The following MCM10 variants were observed in gnomAD, a reference collection of about 807,000 sequenced individuals.
MCM10 encodes the protein minichromosome maintenance 10 replication initiation factor, also known as protein MCM10 homolog.
A neutral mutation model predicts 109.9 loss-of-function variants in MCM10; 91 were observed. The observed-to-expected ratio is 0.83, with a 90% CI of 0.70 to 0.99. The LOEUF is 0.99. Among genes scored for constraint, MCM10 ranks in the 50% least tolerant of loss-of-function variants. MCM10 has a pLI of 0.00. For synonymous variants in MCM10, 380 were observed against 387.2 expected, an observed-to-expected ratio of 0.98 and a Z score of 0.22; for missense variants, 1,077 against 1,061.2, an observed-to-expected ratio of 1.01 and a Z score of -0.21.
intron 18 of MCM10, among the ~76,000 whole-genome samples, chr10:13,205,820 G>A (rs1302744811): frequency 1.3e-5 from 2 of 152,186 alleles, no homozygotes; most frequent in Non-Finnish European, 2.9e-5. Context: ...GACTGTGTGT[G>A]TTGTAAGTGT....
At chr10:13,174,134 A>ATTT (rs139116646) in intron 5 of MCM10, among the ~76,000 whole-genome samples, 18 of 75,140 alleles carry the variant, frequency 2.4e-4, no homozygotes, top group East Asian at 4.3e-4. Flanking sequence ...CTAGTTTTGG[A>ATTT]TTTTTTTTTT....
At chr10:13,176,353 T>A (rs553708960) in intron 6 of MCM10, among the ~76,000 whole-genome samples, 7 of 152,174 alleles carry the variant, frequency 4.6e-5, no homozygotes, top group South Asian at 2.1e-4. Flanking sequence ...TTAATTTTTT[T>A]AATTATCTAT....
At position 13,210,048 on chromosome 10, in the gene MCM10, TTTTTTTTAA is replaced by T. The variant is rs1231571399; in HGVS notation, c.*747_*755del. On this transcript the variant is annotated 3_prime_UTR_variant, in exon 20 of 20. Coordinates refer to ENST00000378714, the MANE Select transcript of MCM10 (RefSeq NM_018518.5). Reference sequence around the variant, plus strand: ...GAAATATGTAAAATCTCATATTATTTTTTTTTTAATTTTTTTATTTTTTATGACAGGGTC... The same window carrying T: ...GAAATATGTAAAATCTCATATTATTTTTTTTTTATTTTTTATGACAGGGTC... 6.6e-6 allele frequency: 1 copy of T among 151,866 alleles called. No homozygotes were observed. Among genetic ancestry groups the T allele is most frequent in the Non-Finnish European group, 1.5e-5 (1 of 67,942 alleles). 9.4% of individuals were successfully genotyped at this position (151,866 alleles called of 1,614,324 possible). A position where few individuals can be genotyped will look rare whatever the true frequency, so the allele number is the denominator to read the frequency against.
At position 13,209,461 on chromosome 10, in the gene MCM10, C is replaced by G. The variant is rs1303916825; in HGVS notation, c.*151C>G. The G allele has an allele frequency of 7.7e-6, 5 of 650,064 alleles. No individual in the cohort carries two copies. 40.3% of individuals were successfully genotyped at this position (650,064 alleles called of 1,614,324 possible). On this transcript the variant is annotated 3_prime_UTR_variant, in exon 20 of 20. Transcript: ENST00000378714. ...ATAAGCTTTGCCTGCTTACTTTCTG[C>G]CATTGGGTTGGTTTGATACCACATT...
chr10:13,167,585 C>G (rs1450719703), intron 2 of MCM10, among the ~76,000 whole-genome samples: 4 of 145,476 alleles, frequency 2.7e-5, no homozygotes, highest in East Asian at 2.0e-4. Context: ...AGGGGAGGAC[C>G]GGGGGGGGCA....
chr10:13,185,654 G>A (rs954992089), intron 8 of MCM10, among the ~76,000 whole-genome samples: 1 of 152,200 alleles, frequency 6.6e-6, no homozygotes, highest in Non-Finnish European at 1.5e-5. Flanking sequence ...GATTCCAATC[G>A]CAAAGATGAA....
At chr10:13,173,319 G>A (rs1834099972) in intron 5 of MCM10, among the ~76,000 whole-genome samples, 1 of 152,084 alleles carries the variant, frequency 6.6e-6, no homozygotes, top group Non-Finnish European at 1.5e-5. Context: ...AAAGCCACTG[G>A]TTAGGTTCTC....
chr10:13,164,913 G>T (rs1487250062), intron 2 of MCM10, among the ~76,000 whole-genome samples: 1 of 152,168 alleles, frequency 6.6e-6, no homozygotes, highest in African/African-American at 2.4e-5. Flanking sequence ...AAATTAAAAT[G>T]ATTGTGCTGG....
rs769851379 is a variant in MCM10, at chr10:13,201,534, G to A, written c.2352G>A (p.Thr784=). 4 of 1,599,220 alleles carry A rather than the reference G, an allele frequency of 2.5e-6. No homozygotes were observed. Among genetic ancestry groups the A allele is most frequent in the South Asian group, 1.1e-5 (1 of 89,076 alleles). The change falls in exon 17 of 20, where the codon ACG becomes ACA. Residue 784 remains threonine, a splice_region_variant and synonymous_variant. Coordinates refer to ENST00000378714, the MANE Select transcript of MCM10 (RefSeq NM_018518.5). ...AGTGCCGTGTCGTGACATGCAAGAC[G>A]GTGGGTGAAGGTGGGGGCTGCAGCA... The part of the protein sequence containing the change: ...EVKCRVVTCK[T]CAYTHFKLLE...
In MCM10 at chr10:13,186,070, C is replaced by CT. The variant is rs1258861096; in HGVS notation, c.1099-92dup. Reference sequence around the variant, plus strand: ...AGCCACTGCGCCTGGCAATAACCTTCTTAAATCAGCACCAACCATTCTTTT... The same window carrying CT: ...AGCCACTGCGCCTGGCAATAACCTTCTTTAAATCAGCACCAACCATTCTTTT... On this transcript the variant is annotated intron_variant, in intron 8 of 19. Transcript: ENST00000378714. 9.6e-6 allele frequency: 7 copies of CT among 730,588 alleles called. No individual in the cohort carries two copies. The African/African-American group carries it at 1.3e-4, about 13-fold the overall frequency. The allele number at this position is 730,588 out of a possible 1,614,324, so 45.3% of individuals were successfully genotyped here.
In MCM10 at chr10:13,172,865, T is replaced by G; in HGVS notation, c.592+100T>G. The G allele has an allele frequency of 8.8e-7, 1 of 1,134,124 alleles. No individual in the cohort carries two copies. The allele number at this position is 1,134,124 out of a possible 1,614,324, so 70.3% of individuals were successfully genotyped here. On this transcript the variant is annotated intron_variant, in intron 5 of 19. Transcript: ENST00000378714. This position sits in a 1 kb window ranked among gnomAD's most constrained non-coding sequence, Gnocchi z 5.2. The stretch of plus-strand genomic sequence containing the variant: ...GGGTGTCTGTGTCTTTTGGTCTGTC[T>G]TATGTCCCCATTGAGAAAGAAAGTT...
chr10:13,197,580 CA>C, intron 14 of MCM10, 42 bp from the exon 15 acceptor site: 9 of 1,581,504 alleles, frequency 5.7e-6, no homozygotes, highest in Non-Finnish European at 7.7e-6. Context: ...GTGCCTCTGT[CA>C]TCTTTTAGAT....
At position 13,192,729 on chromosome 10, in the gene MCM10, G is replaced by T. The variant is rs184492659; in HGVS notation, c.1745+161G>T. 1.4e-3 allele frequency among the ~76,000 whole-genome samples: 206 copies of T among 151,682 alleles called. 2 individuals carry two copies. Among genetic ancestry groups the T allele is most frequent in the South Asian group, 4.2e-4 (2 of 4,774 alleles). ...TCCCATAACCTGAATAGCATTTAAG[G>T]CTGTATTATTTCTTACACTGGTGAC... On this transcript the variant is annotated intron_variant, in intron 13 of 19. Transcript: ENST00000378714.
In MCM10 at chr10:13,209,246, T is replaced by C; in HGVS notation, c.2561T>C (p.Ile854Thr). 1 of 1,613,968 alleles carries C rather than the reference T, an allele frequency of 6.2e-7. No homozygotes were observed. The highest frequency in any genetic ancestry group is 1.7e-4 in the Middle Eastern group (1 of 6,058). The part of the protein sequence containing the change: ...GMLKEKTGPK[I>T]GGETLLPRGE... ...TTCTAGGAAAAGACTGGTCCAAAGA[T>C]AGGAGGAGAAACTCTGTTACCAAGA... Residue 854 changes from isoleucine to threonine, a missense_variant, in exon 20 of 20, where the codon ATA (isoleucine) becomes ACA (threonine). Ile to Thr is a moderately conservative substitution (Grantham distance 89, BLOSUM62 -1). Transcript: ENST00000378714.
chr10:13,205,233 T>C (rs1834564345), intron 18 of MCM10, among the ~76,000 whole-genome samples: 1 of 152,042 alleles, frequency 6.6e-6, no homozygotes, highest in South Asian at 2.1e-4. Flanking sequence ...GCCTTCTGTG[T>C]CCTTGCATAC....
At chr10:13,174,127 G>C (rs1457852191) in intron 5 of MCM10, among the ~76,000 whole-genome samples, 3 of 138,058 alleles carry the variant, frequency 2.2e-5, no homozygotes, top group African/African-American at 7.9e-5. Flanking sequence ...AGGGGAGCTA[G>C]TTTTGGATTT....
intron 14 of MCM10, among the ~76,000 whole-genome samples, chr10:13,196,993 C>G (rs912135053): frequency 6.6e-6 from 1 of 152,108 alleles, no homozygotes; most frequent in African/African-American, 2.4e-5. Flanking sequence ...GGTGCAATCA[C>G]AGCTCACTGA....
At chr10:13,204,494 G>A in intron 18 of MCM10, 130 bp downstream of exon 18, 2 of 1,178,408 alleles carry the variant, frequency 1.7e-6, no homozygotes, top group Middle Eastern at 2.5e-4. Flanking sequence ...GGCTACCCTT[G>A]GGACTCAAGC....
At chr10:13,185,254 A>G (rs968084635) in intron 8 of MCM10, among the ~76,000 whole-genome samples, 5 of 152,192 alleles carry the variant, frequency 3.3e-5, no homozygotes, top group African/African-American at 9.6e-5. Context: ...CCTGGAGGCT[A>G]CTTGGCTTAT....
Sources: gnomAD v4.1 joint callset for allele counts (sites outside exome capture counted in the v4.1 genomes callset) on GRCh38, gnomAD v4.1.1 for gene constraint, Gnocchi (gnomAD v3.1) non-coding constraint, MANE v1.5 for transcripts, NCBI Gene and HGNC (gene_info 2026-07-23, HGNC 2026-07-21) for gene names.